Variants in UBE2W observed in about 807,000 individuals in gnomAD.
UBE2W encodes ubiquitin conjugating enzyme E2 W, also known as ubiquitin-conjugating enzyme E2 W.
UBE2W carries 18 observed loss-of-function variants against 27.2 expected under a neutral mutation model. The ratio of observed to expected loss-of-function variants is 0.66; its 90% CI spans 0.46 to 0.98. UBE2W has a LOEUF of 0.98. UBE2W is among the 50% of genes least tolerant of loss of function. The pLI is 0.00. For synonymous variants in UBE2W, 53 were observed against 57.2 expected (o/e 0.93, Z 0.33); for missense variants, 90 against 180.2 (o/e 0.50, Z 2.87).
intron 1 of UBE2W, chr8:73,832,000 G>A (rs1255345771): frequency 6.6e-6 from 1 of 151,930 alleles, no homozygotes; most frequent in East Asian, 1.9e-4. Flanking sequence ...GCTACGTGTG[G>A]TGGCTCATGA....
downstream of UBE2W, among the ~76,000 whole-genome samples, chr8:73,781,876 T>C (rs1807851542): frequency 6.6e-6 from 1 of 151,652 alleles, no homozygotes; most frequent in African/African-American, 2.4e-5. Context: ...TTGTCCACTT[T>C]CTCATACCTT....
At chr8:73,822,602 CAAAAAAAAAAAAAAAA>C (rs67427702) in intron 3 of UBE2W, among the ~76,000 whole-genome samples, 516 of 51,254 alleles carry the variant, frequency 0.01, 5 homozygotes, top group Middle Eastern at 0.053. Context: ...CTTGCAACTG[CAAAAAAAAAAAAAAAA>C]AAAAAAAAAA....
intron 1 of UBE2W, among the ~76,000 whole-genome samples, chr8:73,860,586 G>A (rs1811498298): frequency 1.3e-5 from 2 of 152,092 alleles, no homozygotes; most frequent in South Asian, 2.1e-4. Context: ...AACATGATAC[G>A]GAGGCACACA....
rs1563565576 is a variant in UBE2W, at chr8:73,791,372, C to A, written c.*2730G>T. The A allele has an allele frequency of 1.0e-6, 1 of 977,706 alleles. No homozygotes were observed. The highest frequency in any genetic ancestry group is 4.7e-5 in the South Asian group (1 of 21,214). 60.6% of individuals were successfully genotyped at this position (977,706 alleles called of 1,614,324 possible). A position where few individuals can be genotyped will look rare whatever the true frequency, so the allele number is the denominator to read the frequency against. On this transcript the variant is annotated 3_prime_UTR_variant, in exon 6 of 6. Transcript: ENST00000602593. ...AGAATTTGGCAAACCAGAAGAATGG[C>A]CTAAAAATAAATAAATAAATAAATA...
intron 2 of UBE2W, among the ~76,000 whole-genome samples, chr8:73,825,952 C>T (rs1809816668): frequency 6.6e-6 from 1 of 152,120 alleles, no homozygotes; most frequent in Admixed American, 6.5e-5. Context: ...AAAGCAACTG[C>T]CTCTGATTAT....
chr8:73,799,905 A>G (rs1298886986), intron 5 of UBE2W, among the ~76,000 whole-genome samples: 1 of 152,202 alleles, frequency 6.6e-6, no homozygotes, highest in Non-Finnish European at 1.5e-5. Context: ...TGTCTTGGTA[A>G]CTAGGTGTTA....
Position 73,789,753 on chromosome 8 carries a change from G to T in UBE2W, c.*4349C>A. The T allele has an allele frequency of 6.8e-6, 2 of 293,818 alleles. No individual in the cohort carries two copies. Among genetic ancestry groups the T allele is most frequent in the Non-Finnish European group, 1.0e-5 (2 of 197,992 alleles). The allele number at this position is 293,818 out of a possible 1,614,324, so 18.2% of individuals were successfully genotyped here. ...CTCAAGAGGCTGAGGCAGGAGAATC[G>T]CTTAGACCCAGGAGGTGGAGATTGA... On this transcript the variant is annotated 3_prime_UTR_variant, in exon 6 of 6. Transcript: ENST00000602593.
chr8:73,842,639 A>G (rs1343352136), intron 1 of UBE2W, among the ~76,000 whole-genome samples: 2 of 151,992 alleles, frequency 1.3e-5, no homozygotes. Context: ...CAAGCCTCAA[A>G]AATACATGTA....
At chr8:73,838,338 T>C (rs1810394740) in intron 1 of UBE2W, among the ~76,000 whole-genome samples, 1 of 152,188 alleles carries the variant, frequency 6.6e-6, no homozygotes, top group Admixed American at 6.5e-5. Flanking sequence ...GTCAATGTAT[T>C]GGGACATACC....
At chr8:73,782,168 C>T (rs571998356), downstream of UBE2W, among the ~76,000 whole-genome samples, 145 of 151,618 alleles carry the variant, frequency 9.6e-4, 3 homozygotes, top group South Asian at 0.028. Flanking sequence ...AGAATGGTCT[C>T]GATCTCTTGA....
chr8:73,801,030 C>T (rs1483089298), intron 5 of UBE2W, among the ~76,000 whole-genome samples: 2 of 151,996 alleles, frequency 1.3e-5, no homozygotes, highest in African/African-American at 4.8e-5. Context: ...GGCAGAGGTG[C>T]GGTGAGCCAA....
chr8:73,878,057 A>C (rs1339866141), intron 1 of UBE2W, among the ~76,000 whole-genome samples: 1 of 152,174 alleles, frequency 6.6e-6, no homozygotes, highest in African/African-American at 2.4e-5. Context: ...TTGCAGTGGG[A>C]AACAAAATAG....
At chr8:73,827,959 TC>T (rs1809919588) in intron 2 of UBE2W, among the ~76,000 whole-genome samples, 1 of 152,326 alleles carries the variant, frequency 6.6e-6, no homozygotes, top group Non-Finnish European at 1.5e-5. Flanking sequence ...GGGGTATATT[TC>T]ATTCTAGTCA....
chr8:73,863,962 A>G (rs1015543289), intron 1 of UBE2W, among the ~76,000 whole-genome samples: 4 of 152,130 alleles, frequency 2.6e-5, no homozygotes, highest in Admixed American at 6.6e-5. Flanking sequence ...AAAAAAAAAA[A>G]AGGAGGAAAG....
intron 1 of UBE2W, among the ~76,000 whole-genome samples, chr8:73,832,399 T>C (rs1320178038): frequency 6.6e-6 from 1 of 152,206 alleles, no homozygotes; most frequent in Non-Finnish European, 1.5e-5. Flanking sequence ...GAATGGGATA[T>C]GTGTATTCTC....
chr8:73,849,469 G>A (rs947480547), intron 1 of UBE2W, among the ~76,000 whole-genome samples: 8 of 117,092 alleles, frequency 6.8e-5, no homozygotes, highest in African/African-American at 1.6e-4. Flanking sequence ...CCAAGATCGC[G>A]CCACTGCACT....
chr8:73,845,047 G>A (rs1308828176), intron 1 of UBE2W, among the ~76,000 whole-genome samples: 10 of 135,380 alleles, frequency 7.4e-5, no homozygotes, highest in Admixed American at 2.8e-4. Context: ...CACCCCATCC[G>A]GGAGGTGGCC....
intron 1 of UBE2W, among the ~76,000 whole-genome samples, chr8:73,866,268 T>TAA (rs10568367): frequency 2.2e-3 from 94 of 42,304 alleles, no homozygotes; most frequent in African/African-American, 4.9e-3. Context: ...AGACTTGGTC[T>TAA]AAAAAAAAAA....
intron 3 of UBE2W, among the ~76,000 whole-genome samples, chr8:73,821,691 A>T (rs188453540): frequency 4.6e-5 from 7 of 152,214 alleles, no homozygotes; most frequent in Non-Finnish European, 1.5e-5. Flanking sequence ...GTAATGGTTC[A>T]AATAAAAGAT....
Sources: gnomAD v4.1 joint callset for allele counts (sites outside exome capture counted in the v4.1 genomes callset) on GRCh38, gnomAD v4.1.1 for gene constraint, MANE v1.5 for transcripts, NCBI Gene and HGNC (gene_info 2026-07-23, HGNC 2026-07-21) for gene names.